Variants in PTPRG observed in about 807,000 individuals in gnomAD.
The protein encoded by PTPRG is protein tyrosine phosphatase receptor type G, also known as receptor-type tyrosine-protein phosphatase gamma.
Under a neutral mutation model 165.3 loss-of-function variants are expected in PTPRG, and 102 were observed. That is an observed-to-expected ratio of 0.62 (90% confidence interval 0.53 to 0.73). PTPRG has a LOEUF of 0.73. Ranked by LOEUF, PTPRG falls within the 30% of genes least tolerant of loss-of-function variation. The pLI is 0.00. For synonymous variants in PTPRG, 675 were observed against 669.5 expected (o/e 1.01, Z -0.13); for missense variants, 1,866 against 1,861.4 (o/e 1.00, Z -0.05).
At chr3:61,624,649 C>A (rs1701558199) in intron 1 of PTPRG, among the ~76,000 whole-genome samples, 1 of 152,144 alleles carries the variant, frequency 6.6e-6, no homozygotes, top group Non-Finnish European at 1.5e-5. Context: ...ATAGCAGCAG[C>A]AGAATGCAGT....
intron 2 of PTPRG, among the ~76,000 whole-genome samples, chr3:61,810,654 C>A (rs2035547084): frequency 6.6e-6 from 1 of 152,176 alleles, no homozygotes; most frequent in Admixed American, 6.6e-5. Context: ...CAACTCCTAC[C>A]TCTTTTGGAC....
chr3:62,277,075 A>G, intron 25 of PTPRG, 27 bp downstream of exon 25: 3 of 1,573,218 alleles, frequency 1.9e-6, no homozygotes, highest in Non-Finnish European at 2.6e-6. Context: ...AATTATAAAT[A>G]AAGTCAACTA....
At chr3:61,724,612 A>G (rs1395249654) in intron 1 of PTPRG, among the ~76,000 whole-genome samples, 2 of 152,064 alleles carry the variant, frequency 1.3e-5, no homozygotes, top group Non-Finnish European at 2.9e-5. Flanking sequence ...CCAGCAATGC[A>G]TAAGAGATCC....
At chr3:62,151,088 G>A (rs1191999430) in intron 6 of PTPRG, among the ~76,000 whole-genome samples, 1 of 152,094 alleles carries the variant, frequency 6.6e-6, no homozygotes, top group Non-Finnish European at 1.5e-5. Context: ...AATTATCCAT[G>A]TTTGAATCTT....
At chr3:61,573,134 T>G (rs779427077) in intron 1 of PTPRG, among the ~76,000 whole-genome samples, 43 of 152,222 alleles carry the variant, frequency 2.8e-4, no homozygotes, top group Non-Finnish European at 5.4e-4. Flanking sequence ...CCTGGTTGAT[T>G]TGAATTTCTG....
Position 62,025,523 on chromosome 3 carries a change from A to C in PTPRG, c.519+22026A>C, listed in dbSNP as rs574839943. 9.9e-5 allele frequency among the ~76,000 whole-genome samples: 15 copies of C among 152,260 alleles called. No homozygotes were observed. The South Asian group carries it at 2.9e-3, about 29-fold the overall frequency. ...ATCTATTTTTTTAAATTGCTTGATT[A>C]GGATCTCAAAGGGTTCTAAGGTTTT... On this transcript the variant is annotated intron_variant, in intron 4 of 29. Transcript: ENST00000474889.
intron 1 of PTPRG, among the ~76,000 whole-genome samples, chr3:61,686,671 A>G (rs976807441): frequency 6.6e-6 from 1 of 152,226 alleles, no homozygotes; most frequent in Admixed American, 6.5e-5. Context: ...GGCTGTTTTA[A>G]TAAATTATAC....
intron 5 of PTPRG, among the ~76,000 whole-genome samples, chr3:62,111,903 T>C (rs889533759): frequency 1.3e-5 from 2 of 152,350 alleles, no homozygotes; most frequent in East Asian, 1.9e-4. Flanking sequence ...CGTGTATGTA[T>C]GTATGAATCT....
chr3:61,843,352 T>TAC lies in PTPRG; in HGVS notation c.190+94378_190+94379dup, dbSNP rs2036707166. Among the ~76,000 whole-genome samples the TAC allele has an allele frequency of 2.6e-5, 4 of 152,234 alleles. No individual in the cohort carries two copies. The South Asian group carries it at 8.3e-4, about 32-fold the overall frequency. Reference sequence around the variant, plus strand: ...AATATAGATTATTATATTGTATATATACACACACATGTATATCACACACAT... The same window carrying TAC: ...AATATAGATTATTATATTGTATATATACACACACACATGTATATCACACACAT... On this transcript the variant is annotated intron_variant, in intron 2 of 29. Transcript: ENST00000474889.
At chr3:61,605,925 C>G (rs1700993695) in intron 1 of PTPRG, among the ~76,000 whole-genome samples, 1 of 152,232 alleles carries the variant, frequency 6.6e-6, no homozygotes, top group Non-Finnish European at 1.5e-5. Flanking sequence ...AAGGCTTTGG[C>G]ATCTCCCACT....
chr3:61,690,452 C>T (rs1365434388), intron 1 of PTPRG, among the ~76,000 whole-genome samples: 1 of 152,164 alleles, frequency 6.6e-6, no homozygotes, highest in Non-Finnish European at 1.5e-5. Context: ...CCCTGTCTGC[C>T]TTGTTTTTCA....
At chr3:61,653,075 AT>A (rs371064211) in intron 1 of PTPRG, among the ~76,000 whole-genome samples, 78 of 152,246 alleles carry the variant, frequency 5.1e-4, no homozygotes, top group East Asian at 3.9e-4. Context: ...GGGAAAAGTA[AT>A]TTTTTTTAAA....
At chr3:62,098,798 G>C (rs1371562689) in intron 5 of PTPRG, among the ~76,000 whole-genome samples, 2 of 152,200 alleles carry the variant, frequency 1.3e-5, no homozygotes, top group Non-Finnish European at 2.9e-5. Context: ...AAAGCTAGCA[G>C]AGTCTGGTAT....
At chr3:62,236,087 G>A (rs1031053715) in intron 14 of PTPRG, among the ~76,000 whole-genome samples, 5 of 152,190 alleles carry the variant, frequency 3.3e-5, no homozygotes, top group African/African-American at 1.2e-4. Context: ...TACTACAAGT[G>A]TAAACTGAGT....
intron 5 of PTPRG, among the ~76,000 whole-genome samples, chr3:62,106,264 T>G (rs1508399): frequency 0.6 from 90,532 of 151,930 alleles, 27,460 homozygotes; most frequent in Middle Eastern, 0.66. Flanking sequence ...GTGAGTGAAC[T>G]TTCTTTGTTA....
intron 1 of PTPRG, among the ~76,000 whole-genome samples, chr3:61,627,227 T>C (rs1453402900): frequency 6.6e-6 from 1 of 152,196 alleles, no homozygotes; most frequent in Non-Finnish European, 1.5e-5. Context: ...AGTCCGTATC[T>C]TTTAGTGACA....
At chr3:62,032,937 C>A (rs1449520259) in intron 4 of PTPRG, among the ~76,000 whole-genome samples, 1 of 152,134 alleles carries the variant, frequency 6.6e-6, no homozygotes, top group African/African-American at 2.4e-5. Context: ...AAATGCGCAC[C>A]TGCAAGATAA....
chr3:62,194,680 G>A (rs1699916924), intron 9 of PTPRG, among the ~76,000 whole-genome samples: 1 of 152,112 alleles, frequency 6.6e-6, no homozygotes, highest in African/African-American at 2.4e-5. Context: ...GCGGCCTCCT[G>A]TAATCCCAGC....
chr3:61,683,623 T>C (rs1464758033), intron 1 of PTPRG, among the ~76,000 whole-genome samples: 1 of 152,204 alleles, frequency 6.6e-6, no homozygotes, highest in Non-Finnish European at 1.5e-5. Context: ...TCCCTTTGAA[T>C]TGTTTTCCTT....
Sources: allele counts gnomAD v4.1 joint callset (sites outside exome capture counted in the v4.1 genomes callset), GRCh38; gene constraint gnomAD v4.1.1; transcripts MANE v1.5; gene names NCBI Gene and HGNC (gene_info 2026-07-23, HGNC 2026-07-21).